The following ZSCAN23 variants were observed in gnomAD, a reference collection of about 807,000 sequenced individuals.
The protein encoded by ZSCAN23 is zinc finger and SCAN domain-containing protein 23.
ZSCAN23 carries 19 observed loss-of-function variants against 19.3 expected under a neutral mutation model. The ratio of observed to expected loss-of-function variants is 0.99; its 90% CI spans 0.69 to 1.45. The LOEUF is 1.45. Ranked by LOEUF, ZSCAN23 falls within the 40% of genes most tolerant of loss-of-function variation. The probability of loss-of-function intolerance (pLI) is 0.00; values close to 1 mark genes in which losing one functional copy is unlikely to be tolerated. For missense variants in ZSCAN23, 372 were observed against 462.5 expected, an observed-to-expected ratio of 0.80 and a Z score of 1.79; for synonymous variants, 140 against 166.2, an observed-to-expected ratio of 0.84 and a Z score of 1.21.
chr6:28,428,029 T>G (rs1345703046), downstream of ZSCAN23, among the ~76,000 whole-genome samples: 1 of 152,138 alleles, frequency 6.6e-6, no homozygotes. Flanking sequence ...TGAGCTGAGG[T>G]TGAGCCATTG....
intron 1 of ZSCAN23, among the ~76,000 whole-genome samples, chr6:28,441,101 A>G (rs1761990965): frequency 6.6e-6 from 1 of 152,252 alleles, no homozygotes; most frequent in Non-Finnish European, 1.5e-5. Context: ...CTAGAGCCTC[A>G]GCAAGCTGAA....
At chr6:28,436,885 G>A (rs549766478) in intron 1 of ZSCAN23, among the ~76,000 whole-genome samples, 6 of 152,280 alleles carry the variant, frequency 3.9e-5, no homozygotes, top group Admixed American at 6.5e-5. Context: ...AAGTGTGTAA[G>A]GTCTTGGACT....
In ZSCAN23 at chr6:28,434,452, C is replaced by T. The variant is rs1322721824; in HGVS notation, c.*13G>A. On this transcript the variant is annotated 3_prime_UTR_variant, in exon 4 of 4. Coordinates refer to ENST00000289788, the MANE Select transcript of ZSCAN23 (RefSeq NM_001012455.2). ...CAAAGTAAGAAATATTATCCCCTAC[C>T]TGTTCCAAGGAGCTAGCTTGATTCA... 6.6e-7 allele frequency: 1 copy of T among 1,521,868 alleles called. No homozygotes were observed. Among genetic ancestry groups the T allele is most frequent in the Non-Finnish European group, 8.8e-7 (1 of 1,130,044 alleles). 94.3% of individuals were successfully genotyped at this position (1,521,868 alleles called of 1,614,324 possible). A position where few individuals can be genotyped will look rare whatever the true frequency, so the allele number is the denominator to read the frequency against.
At position 28,434,604 on chromosome 6, in the gene ZSCAN23, C is replaced by T. The variant is rs61730236; in HGVS notation, c.1031G>A (p.Arg344Gln). Residue 344 changes from arginine to glutamine, a missense_variant, in exon 4 of 4, where the codon CGA becomes CAA. Arg to Gln is a conservative substitution (Grantham distance 43, BLOSUM62 1). Coordinates refer to ENST00000289788, the MANE Select transcript of ZSCAN23 (RefSeq NM_001012455.2). ...CTGATGCTTAATGAGGACTGAACGT[C>T]GACTAAAACTCTTATTGCACTGATT... is the stretch of plus-strand genomic sequence containing the variant. ...QCNQCNKSFS[R>Q]RSVLIKHQRI... The T allele has an allele frequency of 1.1e-4, 178 of 1,555,926 alleles. No individual in the cohort carries two copies. In the Middle Eastern group the frequency reaches 1.2e-3, roughly 10 times the overall value.
In ZSCAN23 at chr6:28,436,059, G is replaced by A; in HGVS notation, c.208C>T (p.Gln70Ter). 6.2e-7 allele frequency: 1 copy of A among 1,614,172 alleles called. No individual in the cohort carries two copies. Among genetic ancestry groups the A allele is most frequent in the Non-Finnish European group, 8.5e-7 (1 of 1,180,018 alleles). ...PGPREALQRL[Q>*]ELCHQWLRPE... is the part of the protein sequence containing the mutation. ...CTCAGCCACTGATGGCAGAGCTCCT[G>A]GAGTCTTTGAAGAGCCTCCCGGGGC... The change falls in exon 2 of 4, where the codon CAG becomes TAG. Residue 70 changes from glutamine (Q) to a stop codon, truncating the protein, a stop_gained. Coordinates refer to ENST00000289788, the MANE Select transcript of ZSCAN23 (RefSeq NM_001012455.2). LOFTEE classifies it high-confidence loss of function.
rs1195201250 is a variant in ZSCAN23 at position 28,433,497 on chromosome 6, T to G, written c.*968A>C. ...GTTTTCACCATAGGTTTTCCATTTCTTTGTCTCCTGGACCTTGTGTAAAGC... is the reference window on the plus strand; with the variant it reads ...GTTTTCACCATAGGTTTTCCATTTCGTTGTCTCCTGGACCTTGTGTAAAGC... On this transcript the variant is annotated 3_prime_UTR_variant, in exon 4 of 4. Coordinates refer to ENST00000289788, the MANE Select transcript of ZSCAN23 (RefSeq NM_001012455.2). 1 of 152,150 alleles carries G rather than the reference T, an allele frequency of 6.6e-6. No individual in the cohort carries two copies. Among genetic ancestry groups the G allele is most frequent in the Non-Finnish European group, 1.5e-5 (1 of 68,004 alleles). 9.4% of individuals were successfully genotyped at this position (152,150 alleles called of 1,614,324 possible).
At chr6:28,430,481 C>A (rs186275968), downstream of ZSCAN23, among the ~76,000 whole-genome samples, 1 of 152,264 alleles carries the variant, frequency 6.6e-6, no homozygotes. Flanking sequence ...TAATCAACAC[C>A]CACCTGAGGA....
In ZSCAN23 at chr6:28,434,476, C is replaced by T. The variant is rs267600925; in HGVS notation, c.1159G>A (p.Glu387Lys). ...IQHRKVHPVA[E>K]SS ...CCTGTTCCAAGGAGCTAGCTTGATTCAGCCACTGGGTGGACTTTCCGATGC... is the reference window on the plus strand; with the variant it reads ...CCTGTTCCAAGGAGCTAGCTTGATTTAGCCACTGGGTGGACTTTCCGATGC... Residue 387 changes from glutamate (E) to lysine (K), a missense_variant, in exon 4 of 4, where the codon GAA (glutamate) becomes AAA (lysine). By Grantham distance (56) the Glu-to-Lys change is moderately conservative. Coordinates refer to ENST00000289788, the MANE Select transcript of ZSCAN23 (RefSeq NM_001012455.2). The T allele has an allele frequency of 1.9e-6, 3 of 1,542,070 alleles. No individual in the cohort carries two copies. The highest frequency in any genetic ancestry group is 8.8e-7 in the Non-Finnish European group (1 of 1,141,138).
At chr6:28,442,684 A>G (rs988855839) in intron 1 of ZSCAN23, among the ~76,000 whole-genome samples, 3 of 152,236 alleles carry the variant, frequency 2.0e-5, no homozygotes, top group African/African-American at 7.2e-5. Context: ...TTAGCATAGC[A>G]AAGGTTTTAA....
Position 28,432,885 on chromosome 6 carries a change from A to G in ZSCAN23, c.*1580T>C, listed in dbSNP as rs1449407663. ...TAAGATTATACATTCATATTTGCCT[A>G]TATTTACATAAAGAAACACTGAAAG... On this transcript the variant is annotated 3_prime_UTR_variant, in exon 4 of 4. Transcript: ENST00000289788. The G allele has an allele frequency of 6.6e-6, 1 of 152,172 alleles. No individual in the cohort carries two copies. The highest frequency in any genetic ancestry group is 1.5e-5 in the Non-Finnish European group (1 of 67,986). The allele number at this position is 152,172 out of a possible 1,614,324, so 9.4% of individuals were successfully genotyped here. A position where few individuals can be genotyped will look rare whatever the true frequency, so the allele number is the denominator to read the frequency against.
rs1216622335 is a variant in ZSCAN23, at chr6:28,433,700, T to C, written c.*765A>G. On this transcript the variant is annotated 3_prime_UTR_variant, in exon 4 of 4. Transcript: ENST00000289788. ...TGTTTCAAATTTTCCATACAAAATATTGAATAAAGGAGAAAAAGGCAAAAA... is the reference window on the plus strand; with the variant it reads ...TGTTTCAAATTTTCCATACAAAATACTGAATAAAGGAGAAAAAGGCAAAAA... The C allele has an allele frequency of 1.3e-5, 2 of 152,106 alleles. No homozygotes were observed. Among genetic ancestry groups the C allele is most frequent in the Non-Finnish European group, 2.9e-5 (2 of 68,012 alleles). The allele number at this position is 152,106 out of a possible 1,614,324, so 9.4% of individuals were successfully genotyped here. A position where few individuals can be genotyped will look rare whatever the true frequency, so the allele number is the denominator to read the frequency against.
At chr6:28,427,948 G>A (rs1017179318), downstream of ZSCAN23, among the ~76,000 whole-genome samples, 22 of 152,130 alleles carry the variant, frequency 1.4e-4, 1 homozygote, top group Admixed American at 3.9e-4. Context: ...GTGTGATGGC[G>A]CGTGCCTGTA....
chr6:28,429,209 C>G (rs372583126), downstream of ZSCAN23, among the ~76,000 whole-genome samples: 3 of 152,198 alleles, frequency 2.0e-5, no homozygotes, highest in African/African-American at 4.8e-5. Flanking sequence ...TTCCTCAAGG[C>G]AACATGTCTT....
intron 1 of ZSCAN23, among the ~76,000 whole-genome samples, chr6:28,443,039 TTAAAA>T (rs1762034457): frequency 6.6e-6 from 1 of 152,182 alleles, no homozygotes. Flanking sequence ...TGCTCATTCT[TTAAAA>T]TAAGTCCACA....
chr6:28,437,081 A>G (rs1761906900), intron 1 of ZSCAN23, among the ~76,000 whole-genome samples: 1 of 152,242 alleles, frequency 6.6e-6, no homozygotes, highest in Admixed American at 6.5e-5. Context: ...AAGTGGTAAC[A>G]CTTATTTTTC....
At chr6:28,421,570 C>G in the ZSCAN23 span, among the ~76,000 whole-genome samples, 1 of 152,214 alleles carries the variant, frequency 6.6e-6, no homozygotes, top group Admixed American at 6.5e-5. Context: ...ATAGAACACA[C>G]CATCTTGCCA....
the ZSCAN23 span, among the ~76,000 whole-genome samples, chr6:28,421,426 T>A: frequency 6.6e-6 from 1 of 152,134 alleles, no homozygotes. Flanking sequence ...CCAGCTTTAT[T>A]AAATGAAGAA....
In ZSCAN23 at chr6:28,437,735, G is replaced by T. The variant is rs117845093; in HGVS notation, c.-77-1392C>A. 2.2e-3 allele frequency among the ~76,000 whole-genome samples: 342 copies of T among 152,074 alleles called. 2 individuals carry two copies. The highest frequency in any genetic ancestry group is 0.014 in the Middle Eastern group (4 of 294). ...GAGACTTTCAAACTTTTTTGACCAG[G>T]ACTCTTATTAAGAAATATTTTATAT... On this transcript the variant is annotated intron_variant, in intron 1 of 3. Transcript: ENST00000289788.
Position 28,434,552 on chromosome 6 carries a change from A to G in ZSCAN23, c.1083T>C (p.Tyr361=). The change falls in exon 4 of 4, where the codon TAT becomes TAC. Residue 361 remains tyrosine (Y), a synonymous_variant. Coordinates refer to ENST00000289788, the MANE Select transcript of ZSCAN23 (RefSeq NM_001012455.2). ...AGTTCTTGCCACATTCTTCACATTC[A>G]TAAGGTCTCTCTCCAGTGTGAATTC... The part of the protein sequence containing the change: ...HQRIHTGERP[Y]ECEECGKNFI... The G allele has an allele frequency of 3.9e-6, 6 of 1,553,942 alleles. No individual in the cohort carries two copies. Among genetic ancestry groups the G allele is most frequent in the South Asian group, 1.2e-5 (1 of 84,160 alleles).
Sources: allele counts gnomAD v4.1 joint callset (sites outside exome capture counted in the v4.1 genomes callset), GRCh38; gene constraint gnomAD v4.1.1; transcripts MANE v1.5; gene names NCBI Gene and HGNC (gene_info 2026-07-23, HGNC 2026-07-21).